The following KCNQ2 variants were observed in gnomAD, a reference collection of about 807,000 sequenced individuals.
KCNQ2 encodes the protein potassium voltage-gated channel subfamily KQT member 2.
In KCNQ2, 14 loss-of-function variants were observed where a neutral mutation model predicts 84.8. The ratio of observed to expected loss-of-function variants is 0.17; its 90% CI spans 0.11 to 0.26. KCNQ2 has a LOEUF of 0.26. Among genes scored for constraint, KCNQ2 ranks in the 10% least tolerant of loss-of-function variants. KCNQ2 has a pLI of 1.00. For missense variants in KCNQ2, 788 were observed against 1,254.0 expected (o/e 0.63, Z 5.61); for synonymous variants, 599 against 554.1 (o/e 1.08, Z -1.14).
rs111739716 is a variant in KCNQ2 at position 63,401,591 on chromosome 20, C to G, written c.*5053G>C. On this transcript the variant is annotated 3_prime_UTR_variant, in exon 17 of 17. Transcript: ENST00000359125. ...ACACAGGCTCCCCAGGCGGCCATTCCGTCCTGCAGCCCCTAAAGGCCCTGA... is the reference window on the plus strand; with the variant it reads ...ACACAGGCTCCCCAGGCGGCCATTCGGTCCTGCAGCCCCTAAAGGCCCTGA... The G allele has an allele frequency of 6.6e-6, 1 of 152,598 alleles. No homozygotes were observed. Among genetic ancestry groups the G allele is most frequent in the Non-Finnish European group, 1.5e-5 (1 of 68,308 alleles). 9.5% of individuals were successfully genotyped at this position (152,598 alleles called of 1,614,324 possible). A position where few individuals can be genotyped will look rare whatever the true frequency, so the allele number is the denominator to read the frequency against.
At position 63,407,031 on chromosome 20, in the gene KCNQ2, C is replaced by A. The variant is rs547655324; in HGVS notation, c.2232G>T (p.Pro744=). The change falls in exon 17 of 17, where the codon CCG becomes CCT. Residue 744 remains proline, a synonymous_variant. Transcript: ENST00000359125. The surrounding 1 kb of genome is among the most constrained non-coding windows in gnomAD (Gnocchi z 7.2). ...ACAGCGACCGCTCGTGGGCAGGCGGCGGCGGGATGCGCACCAGGGAGCCGT... is the reference window on the plus strand; with the variant it reads ...ACAGCGACCGCTCGTGGGCAGGCGGAGGCGGGATGCGCACCAGGGAGCCGT... ...GDHGSLVRIP[P]PPAHERSLSA... 5 of 1,517,630 alleles carry A rather than the reference C, an allele frequency of 3.3e-6. No individual in the cohort carries two copies. Among genetic ancestry groups the A allele is most frequent in the East Asian group, 4.9e-5 (2 of 40,996 alleles). The allele number at this position is 1,517,630 out of a possible 1,614,324, so 94.0% of individuals were successfully genotyped here. A position where few individuals can be genotyped will look rare whatever the true frequency, so the allele number is the denominator to read the frequency against.
At position 63,472,546 on chromosome 20, in the gene KCNQ2, C is replaced by A. The variant is rs886056922; in HGVS notation, c.-83G>T. The A allele has an allele frequency of 1.6e-4, 195 of 1,186,534 alleles. No individual in the cohort carries two copies. Among genetic ancestry groups the A allele is most frequent in the Non-Finnish European group, 1.9e-4 (179 of 948,666 alleles). The allele number at this position is 1,186,534 out of a possible 1,614,324, so 73.5% of individuals were successfully genotyped here. The stretch of plus-strand genomic sequence containing the variant: ...GGGGCGGCGCGGGCCCCAGCCCAGG[C>A]CCCCCGGCCGGGAGCCGCATGGCCG... On this transcript the variant is annotated 5_prime_UTR_variant, in exon 1 of 17. Transcript: ENST00000359125.
chr20:63,472,097 C>T (rs1011709473), intron 1 of KCNQ2, 71 bp downstream of exon 1: 2 of 1,179,044 alleles, frequency 1.7e-6, no homozygotes, highest in African/African-American at 1.6e-5. Context: ...CCAGCCTGGC[C>T]GGGGTCGCCG....
rs372044135 is a variant in KCNQ2 at position 63,433,898 on chromosome 20, G to A, written c.1029C>T (p.Ala343=). Residue 343 remains alanine (A), a synonymous_variant, in exon 8 of 17, where the codon GCC becomes GCT. Coordinates refer to ENST00000359125, the MANE Select transcript of KCNQ2 (RefSeq NM_172107.4). The part of the protein sequence containing the change: ...RNPAAGLIQS[A]WRFYATNLSR... The stretch of plus-strand genomic sequence containing the variant: ...AGAGGTTGGTGGCGTAGAATCTCCA[G>A]GCCGACTGCGGAGGGAAAGACAAGG... 3 of 1,613,436 alleles carry A rather than the reference G, an allele frequency of 1.9e-6. No homozygotes were observed. Among genetic ancestry groups the A allele is most frequent in the Non-Finnish European group, 2.5e-6 (3 of 1,179,892 alleles).
At chr20:63,451,998 A>G (rs1163836198) in intron 1 of KCNQ2, among the ~76,000 whole-genome samples, 1 of 152,230 alleles carries the variant, frequency 6.6e-6, no homozygotes, top group Non-Finnish European at 1.5e-5. Context: ...CACAGTCTGA[A>G]GCAGAGGTGG....
chr20:63,453,889 G>A (rs115849978), intron 1 of KCNQ2, among the ~76,000 whole-genome samples: 3 of 152,078 alleles, frequency 2.0e-5, no homozygotes, highest in Admixed American at 6.5e-5. Context: ...TGGGGACAAC[G>A]ACAGCCCCAC....
At chr20:63,421,080 C>T (rs2080457729) in intron 11 of KCNQ2, among the ~76,000 whole-genome samples, 1 of 151,998 alleles carries the variant, frequency 6.6e-6, no homozygotes, top group Non-Finnish European at 1.5e-5. Flanking sequence ...CTGGAGGGCC[C>T]CAGGAGACCT....
In KCNQ2 at chr20:63,433,363, T is replaced by C. The variant is rs541342740; in HGVS notation, c.1118+446A>G. On this transcript the variant is annotated intron_variant, in intron 8 of 16. Transcript: ENST00000359125. ...AAGTCTCACTGTGATCCGGGGTTAC[T>C]TTCCTGCCCCCCACGCCGGAGCCCT... The C allele has an allele frequency of 3.5e-3, 908 of 258,196 alleles. 4 individuals carry two copies. Among genetic ancestry groups the C allele is most frequent in the Non-Finnish European group, 5.0e-3 (683 of 136,166 alleles). The allele number at this position is 258,196 out of a possible 1,614,324, so 16.0% of individuals were successfully genotyped here.
intron 1 of KCNQ2, among the ~76,000 whole-genome samples, chr20:63,467,135 G>A (rs901771123): frequency 4.0e-5 from 6 of 151,690 alleles, no homozygotes; most frequent in Admixed American, 6.6e-5. Flanking sequence ...CCAGCCTCCC[G>A]TCAAACCTCA....
intron 12 of KCNQ2, 132 bp downstream of exon 12, chr20:63,419,487 C>T (rs954216576): frequency 2.3e-5 from 20 of 875,398 alleles, no homozygotes; most frequent in African/African-American, 6.7e-5. Flanking sequence ...GAGCCCGCAC[C>T]GCCAGGGCGG....
chr20:63,470,154 A>C (rs900269910), intron 1 of KCNQ2, among the ~76,000 whole-genome samples: 2 of 152,172 alleles, frequency 1.3e-5, no homozygotes, highest in Middle Eastern at 3.2e-3. Flanking sequence ...CGCCGCTTAG[A>C]AAAAATCCCC....
intron 9 of KCNQ2, among the ~76,000 whole-genome samples, chr20:63,431,126 C>T (rs1245767253): frequency 2.6e-5 from 4 of 152,006 alleles, no homozygotes; most frequent in East Asian, 1.9e-4. Context: ...AGGGTTGGCA[C>T]GTGGGCTCCA....
At chr20:63,431,244 T>C in intron 9 of KCNQ2, 96 bp downstream of exon 9, 1 of 1,385,416 alleles carries the variant, frequency 7.2e-7, no homozygotes, top group Non-Finnish European at 1.0e-6. Flanking sequence ...GCAGACCGGG[T>C]GGGCCACGGG....
rs562393569 is a variant in KCNQ2 at position 63,401,768 on chromosome 20, C to G, written c.*4876G>C. On this transcript the variant is annotated 3_prime_UTR_variant, in exon 17 of 17. Coordinates refer to ENST00000359125, the MANE Select transcript of KCNQ2 (RefSeq NM_172107.4). ...GAGCACCCACCCCTCAGAGCTCAGC[C>G]CCCTGCTGGGCACCCTCCACAGCAG... 4.9e-6 allele frequency: 1 copy of G among 204,118 alleles called. No individual in the cohort carries two copies. Among genetic ancestry groups the G allele is most frequent in the East Asian group, 1.8e-4 (1 of 5,412 alleles). The allele number at this position is 204,118 out of a possible 1,614,324, so 12.6% of individuals were successfully genotyped here.
chr20:63,404,306 T>C lies in KCNQ2; in HGVS notation c.*2338A>G, dbSNP rs561361341. The C allele has an allele frequency of 2.2e-5, 3 of 138,806 alleles. No homozygotes were observed. The highest frequency in any genetic ancestry group is 2.8e-5 in the African/African-American group (1 of 35,610). 8.6% of individuals were successfully genotyped at this position (138,806 alleles called of 1,614,324 possible). On this transcript the variant is annotated 3_prime_UTR_variant, in exon 17 of 17. Coordinates refer to ENST00000359125, the MANE Select transcript of KCNQ2 (RefSeq NM_172107.4). The stretch of plus-strand genomic sequence containing the variant: ...GGGAGGGAGGAAAGAGCAGGTGGGG[T>C]CACACCTCGGCAGGGGAGGAAAGAA...
chr20:63,406,947 C>A lies in KCNQ2; in HGVS notation c.2316G>T (p.Pro772=). 2 of 1,583,740 alleles carry A rather than the reference C, an allele frequency of 1.3e-6. No homozygotes were observed. Among genetic ancestry groups the A allele is most frequent in the African/African-American group, 1.3e-5 (1 of 74,626 alleles). The change falls in exon 17 of 17, where the codon CCG becomes CCT. Residue 772 remains proline (P), a synonymous_variant. Transcript: ENST00000359125. ...GGTTCCCCTCGGGGGGCCTGCAGCC[C>A]GGGGTGTCCTCCTGCCGCAGGAACT... The part of the protein sequence containing the change: ...SMEFLRQEDT[P]GCRPPEGNLR...
intron 11 of KCNQ2, among the ~76,000 whole-genome samples, chr20:63,420,932 C>T (rs536863438): frequency 2.6e-5 from 4 of 152,284 alleles, no homozygotes; most frequent in South Asian, 4.1e-4. Flanking sequence ...CGGCTCCCTG[C>T]GCCTGGCTTG....
At chr20:63,470,543 G>A (rs1280667659) in intron 1 of KCNQ2, among the ~76,000 whole-genome samples, 2 of 152,230 alleles carry the variant, frequency 1.3e-5, no homozygotes, top group Non-Finnish European at 2.9e-5. Context: ...GCCATGCGGA[G>A]AGCTGCTGAC....
Position 63,444,754 on chromosome 20 carries a change from T to C in KCNQ2, c.595A>G (p.Ser199Gly). The stretch of plus-strand genomic sequence containing the variant: ...CGCAGAATCTGCAGGAAGCGCAGGC[T>C]CCGGAGCGCAGATGTGGCAAAGACG... ...GNVFATSALR[S>G]LRFLQILRMI... Residue 199 changes from serine (S) to glycine (G), a missense_variant, in exon 4 of 17, where the codon AGC (serine) becomes GGC (glycine). Physicochemically the swap from Ser to Gly is moderately conservative, Grantham distance 56. Coordinates refer to ENST00000359125, the MANE Select transcript of KCNQ2 (RefSeq NM_172107.4). The C allele has an allele frequency of 6.2e-7, 1 of 1,606,830 alleles. No homozygotes were observed. The highest frequency in any genetic ancestry group is 8.5e-7 in the Non-Finnish European group (1 of 1,177,830).
Sources: gnomAD v4.1 joint callset for allele counts (sites outside exome capture counted in the v4.1 genomes callset) on GRCh38, gnomAD v4.1.1 for gene constraint, Gnocchi (gnomAD v3.1) non-coding constraint, MANE v1.5 for transcripts, NCBI Gene and HGNC (gene_info 2026-07-23, HGNC 2026-07-21) for gene names.